The following ULK4 variants were observed in gnomAD, a reference collection of about 807,000 sequenced individuals.
The protein encoded by ULK4 is unc-51 like kinase 4, also known as inactive serine/threonine-protein kinase ULK4.
In ULK4, 133 loss-of-function variants were observed where a neutral mutation model predicts 160.6. The observed-to-expected ratio is 0.83, with a 90% CI of 0.72 to 0.96. The LOEUF (loss-of-function observed/expected upper bound fraction) is 0.96, where lower values mean the gene tolerates loss of function less well. Among genes scored for constraint, ULK4 ranks in the 40% least tolerant of loss-of-function variants. ULK4 has a pLI of 0.00. For synonymous variants in ULK4, 534 were observed against 539.8 expected (o/e 0.99, Z 0.15); for missense variants, 1,580 against 1,499.5 (o/e 1.05, Z -0.89).
chr3:41,506,767 A>AAAAAAAAAAATATATATATATAAAT lies in ULK4; in HGVS notation c.3227-43515_3227-43514insATTTATATATATATATTTTTTTTTT. On this transcript the variant is annotated intron_variant, in intron 32 of 36. Coordinates refer to ENST00000301831, the MANE Select transcript of ULK4 (RefSeq NM_017886.4). ...AGCAATACACTGGAGTGTGATTTAA[A>AAAAAAAAAAATATATATATATAAAT]ATATATATATATATATATATATATA... Among the ~76,000 whole-genome samples the AAAAAAAAAAATATATATATATAAAT allele has an allele frequency of 8.9e-3, 506 of 56,788 alleles. 57 individuals are homozygous for AAAAAAAAAAATATATATATATAAAT. Among genetic ancestry groups the AAAAAAAAAAATATATATATATAAAT allele is most frequent in the African/African-American group, 0.02 (239 of 12,244 alleles). The allele number at this position is 56,788 out of a possible 152,430, so 37.3% of individuals were successfully genotyped here.
chr3:41,445,385 T>C (rs954369819), intron 34 of ULK4, among the ~76,000 whole-genome samples: 11 of 152,198 alleles, frequency 7.2e-5, no homozygotes, highest in African/African-American at 2.7e-4. Flanking sequence ...TTCAAGTTCA[T>C]ATGGAACCAA....
At chr3:41,387,262 C>T (rs1254990435) in intron 35 of ULK4, among the ~76,000 whole-genome samples, 2 of 152,078 alleles carry the variant, frequency 1.3e-5, no homozygotes, top group Non-Finnish European at 2.9e-5. Context: ...CTAGCTCTAG[C>T]TACCTACAAC....
At chr3:41,953,251 CATACAT>C (rs1457985865) in intron 2 of ULK4, among the ~76,000 whole-genome samples, 14 of 134,726 alleles carry the variant, frequency 1.0e-4, no homozygotes, top group African/African-American at 3.7e-4. Flanking sequence ...TATATATACA[CATACAT>C]ATATATACAC....
intron 35 of ULK4, chr3:41,258,218 C>A (rs546707331): frequency 1.3e-5 from 2 of 152,212 alleles, no homozygotes; most frequent in South Asian, 4.1e-4. Context: ...CTTCAAAAAC[C>A]AAATTATGGG....
chr3:41,502,231 A>T (rs1469187481), intron 32 of ULK4, among the ~76,000 whole-genome samples: 5 of 152,350 alleles, frequency 3.3e-5, no homozygotes, highest in Middle Eastern at 6.8e-3. Context: ...GAATTGCTGG[A>T]TGATATGGTA....
At chr3:41,569,873 G>A (rs886638985) in intron 31 of ULK4, among the ~76,000 whole-genome samples, 3 of 151,816 alleles carry the variant, frequency 2.0e-5, no homozygotes, top group African/African-American at 4.8e-5. Context: ...GCATTTCCCC[G>A]CCTGCTTGGA....
chr3:41,246,974 C>T lies in ULK4; in HGVS notation c.3783G>A (p.Ala1261=), dbSNP rs772266649. 22 of 1,613,802 alleles carry T rather than the reference C, an allele frequency of 1.4e-5. No individual in the cohort carries two copies. The highest frequency in any genetic ancestry group is 9.3e-5 in the African/African-American group (7 of 74,944). ...APGSGSFADS[A]VAPLALEILQ... ...GGATTTCCAGGGCCAAGGGAGCCAC[C>T]GCACTGTCGGCAAATGAACTGTAAG... is the stretch of plus-strand genomic sequence containing the variant. The change falls in exon 37 of 37, where the codon GCG becomes GCA. Residue 1261 remains alanine (A), a synonymous_variant. Transcript: ENST00000301831.
At chr3:41,751,193 G>T (rs1160435055) in intron 22 of ULK4, among the ~76,000 whole-genome samples, 1 of 152,150 alleles carries the variant, frequency 6.6e-6, no homozygotes, top group Non-Finnish European at 1.5e-5. Flanking sequence ...GTATTAAGAG[G>T]GAGCTGTTCT....
chr3:41,507,645 ATTTTAT>A (rs1013967280), intron 32 of ULK4, among the ~76,000 whole-genome samples: 1 of 145,936 alleles, frequency 6.9e-6, no homozygotes, highest in Non-Finnish European at 1.5e-5. Context: ...AAAAACTGAA[ATTTTAT>A]TTTTATCAAC....
intron 17 of ULK4, chr3:41,859,238 C>A: frequency 1.8e-6 from 1 of 541,884 alleles, no homozygotes; most frequent in Non-Finnish European, 3.6e-6. Context: ...CAACTAATGA[C>A]CAAAATGGGC....
At chr3:41,498,851 T>A (rs951873341) in intron 32 of ULK4, among the ~76,000 whole-genome samples, 1 of 152,182 alleles carries the variant, frequency 6.6e-6, no homozygotes, top group South Asian at 2.1e-4. Context: ...CACCTCGGCT[T>A]CCCAAAGTGC....
intron 32 of ULK4, among the ~76,000 whole-genome samples, chr3:41,473,640 C>G (rs1376550627): frequency 9.8e-6 from 1 of 102,310 alleles, no homozygotes; most frequent in Non-Finnish European, 1.8e-5. Context: ...CCAGGCTGGG[C>G]AACAGAATGA....
chr3:41,311,139 A>G (rs988783608), intron 35 of ULK4, among the ~76,000 whole-genome samples: 1 of 152,220 alleles, frequency 6.6e-6, no homozygotes, highest in African/African-American at 2.4e-5. Context: ...ACGTTATTCT[A>G]GATGTTCAAC....
chr3:41,749,142 G>T (rs2038526335), intron 22 of ULK4, among the ~76,000 whole-genome samples: 1 of 152,104 alleles, frequency 6.6e-6, no homozygotes, highest in South Asian at 2.1e-4. Flanking sequence ...TCACTTTCAG[G>T]GTGGTATTCA....
intron 35 of ULK4, among the ~76,000 whole-genome samples, chr3:41,315,123 T>C (rs1215707373): frequency 2.0e-5 from 3 of 152,182 alleles, no homozygotes; most frequent in African/African-American, 7.2e-5. Flanking sequence ...TTGTTTTACA[T>C]TTTTGCAAAT....
chr3:41,265,902 A>G (rs535383796), intron 35 of ULK4, among the ~76,000 whole-genome samples: 2 of 152,258 alleles, frequency 1.3e-5, no homozygotes, highest in Admixed American at 6.5e-5. Flanking sequence ...GGTGACAAGT[A>G]GCTATGTGTG....
chr3:41,581,970 G>A (rs1389827849), intron 31 of ULK4, among the ~76,000 whole-genome samples: 1 of 152,184 alleles, frequency 6.6e-6, no homozygotes, highest in Non-Finnish European at 1.5e-5. Context: ...TTATTACTGT[G>A]AGCACCTGGC....
chr3:41,515,547 G>C (rs1338810743), intron 32 of ULK4, among the ~76,000 whole-genome samples: 1 of 152,184 alleles, frequency 6.6e-6, no homozygotes, highest in Non-Finnish European at 1.5e-5. Flanking sequence ...AGTTCTGCAT[G>C]TGAGTCATGG....
At chr3:41,920,432 C>T (rs1364163314) in intron 5 of ULK4, among the ~76,000 whole-genome samples, 1 of 152,198 alleles carries the variant, frequency 6.6e-6, no homozygotes, top group Non-Finnish European at 1.5e-5. Flanking sequence ...CCATTGTGTG[C>T]CCCATATACT....
Sources: allele counts gnomAD v4.1 joint callset (sites outside exome capture counted in the v4.1 genomes callset), GRCh38; gene constraint gnomAD v4.1.1; transcripts MANE v1.5; gene names NCBI Gene and HGNC (gene_info 2026-07-23, HGNC 2026-07-21).